ACY3: variants seen among roughly 807,000 people sequenced by gnomAD.
The protein encoded by ACY3 is N-acyl-aromatic-L-amino acid amidohydrolase (carboxylate-forming).
ACY3 carries 20 observed loss-of-function variants against 24.6 expected under a neutral mutation model. The ratio of observed to expected loss-of-function variants is 0.81; its 90% CI spans 0.57 to 1.18. ACY3 has a LOEUF of 1.18. Among genes scored for constraint, ACY3 ranks in the 50% most tolerant of loss-of-function variants. The pLI is 0.00. For missense variants in ACY3, 423 were observed against 426.8 expected (o/e 0.99, Z 0.08); for synonymous variants, 174 against 188.4 (o/e 0.92, Z 0.62).
intron 7 of ACY3, among the ~76,000 whole-genome samples, chr11:67,644,305 C>T (rs1023741467): frequency 2.6e-5 from 4 of 152,186 alleles, no homozygotes; most frequent in African/African-American, 9.7e-5. Flanking sequence ...GCAGGATTGC[C>T]TAATCCTGGA....
chr11:67,648,312 G>C (rs2134113079), intron 1 of ACY3, among the ~76,000 whole-genome samples: 1 of 152,178 alleles, frequency 6.6e-6, no homozygotes. Flanking sequence ...GCGGGCTGCA[G>C]GTGGCGCACA....
chr11:67,645,317 TG>T lies in ACY3; in HGVS notation c.495del (p.Tyr165Ter). The T allele has an allele frequency of 6.2e-7, 1 of 1,613,660 alleles. No individual in the cohort carries two copies. Among genetic ancestry groups the T allele is most frequent in the Non-Finnish European group, 8.5e-7 (1 of 1,179,968 alleles). ...CCATTTTTGGCCACAGAGTCCAGGT[TG>T]TAGCTCTCCTCCCCAGACCGCTGGT... is the stretch of plus-strand genomic sequence containing the variant. ...FLYQRSGEES[Y>X]NLDSVAKNGL... On this transcript the variant is annotated frameshift_variant, in exon 5 of 8. Transcript: ENST00000255082. LOFTEE classifies it high-confidence loss of function.
At position 67,647,045 on chromosome 11, in the gene ACY3, C is replaced by T. The variant is rs540176855; in HGVS notation, c.-2G>A. 4 of 1,522,340 alleles carry T rather than the reference C, an allele frequency of 2.6e-6. No individual in the cohort carries two copies. The highest frequency in any genetic ancestry group is 1.4e-5 in the African/African-American group (1 of 72,614). The allele number at this position is 1,522,340 out of a possible 1,614,324, so 94.3% of individuals were successfully genotyped here. A position where few individuals can be genotyped will look rare whatever the true frequency, so the allele number is the denominator to read the frequency against. ...CCGGGGCACAGGCAGTGAGCACATG[C>T]TGGTGTGGGGTGCAGAACCTGGGGG... On this transcript the variant is annotated 5_prime_UTR_variant, in exon 3 of 8. Transcript: ENST00000255082.
chr11:67,646,904 G>A lies in ACY3; in HGVS notation c.140C>T (p.Ser47Phe). 6.2e-7 allele frequency: 1 copy of A among 1,611,644 alleles called. No individual in the cohort carries two copies. Among genetic ancestry groups the A allele is most frequent in the Non-Finnish European group, 8.5e-7 (1 of 1,179,370 alleles). The stretch of plus-strand genomic sequence containing the variant: ...CGGGTTGGCCAGCACAGGCACAGCG[G>A]AGAAGCTGGCTCTCTGCAGCTCTGC... ...APAELQRASF[S>F]AVPVLANPAA... Residue 47 changes from serine (S) to phenylalanine (F), a missense_variant, in exon 3 of 8, where the codon TCC becomes TTC. Ser to Phe is a radical substitution (Grantham distance 155). Transcript: ENST00000255082.
At chr11:67,645,428 G>A (rs1855496194) in intron 4 of ACY3, 48 bp from the exon 5 acceptor site, 1 of 1,580,162 alleles carries the variant, frequency 6.3e-7, no homozygotes, top group South Asian at 1.1e-5. Flanking sequence ...CTTGGGAAGG[G>A]AAACTGAGGT....
chr11:67,647,387 G>A (rs974522742), intron 2 of ACY3, 129 bp downstream of exon 2: 16 of 238,910 alleles, frequency 6.7e-5, no homozygotes, highest in African/African-American at 2.9e-4. Context: ...GAGGCACAGC[G>A]TGGGGAGTGG....
In ACY3 at chr11:67,642,682, C is replaced by T. The variant is rs1191801014; in HGVS notation, c.*42G>A. The T allele has an allele frequency of 1.9e-6, 3 of 1,600,106 alleles. No homozygotes were observed. The highest frequency in any genetic ancestry group is 2.2e-5 in the East Asian group (1 of 44,812). On this transcript the variant is annotated 3_prime_UTR_variant, in exon 8 of 8. Coordinates refer to ENST00000255082, the MANE Select transcript of ACY3 (RefSeq NM_080658.2). ...CTCAGAGCTGTGCCTCAGGACCCAT[C>T]GTTCAGATGGGAAGACTGAGGTTGG... is the stretch of plus-strand genomic sequence containing the variant.
At chr11:67,650,039 C>T (rs3888976) in intron 1 of ACY3, among the ~76,000 whole-genome samples, 12,794 of 152,252 alleles carry the variant, frequency 0.084, 581 homozygotes, top group Non-Finnish European at 0.1. Flanking sequence ...CTTGGCTCCA[C>T]CCTGTGAAAG....
chr11:67,649,277 G>C (rs1049703280), intron 1 of ACY3, among the ~76,000 whole-genome samples: 3 of 152,164 alleles, frequency 2.0e-5, no homozygotes, highest in African/African-American at 7.2e-5. Context: ...GGATCCTGCT[G>C]ACTCGGTGTG....
intron 1 of ACY3, among the ~76,000 whole-genome samples, chr11:67,648,896 G>T (rs772542474): frequency 2.6e-5 from 4 of 152,132 alleles, no homozygotes; most frequent in Non-Finnish European, 4.4e-5. Context: ...GTGAGGCTGA[G>T]CCCCCAGTGG....
rs1382781996 is a variant in ACY3 at position 67,645,881 on chromosome 11, C to T, written c.243G>A (p.Arg81=). The T allele has an allele frequency of 2.5e-6, 4 of 1,597,856 alleles. No homozygotes were observed. Among genetic ancestry groups the T allele is most frequent in the Middle Eastern group, 3.4e-4 (2 of 5,964 alleles). ...CCTCATATGGGTCGTCCGGGGTGGG[C>T]CTGGAACTGTGGAGACGGGAATGGG... ...RTFTSSFLNS[R]PTPDDPYEVT... Residue 81 remains arginine, a synonymous_variant, in exon 4 of 8, where the codon AGG becomes AGA. Transcript: ENST00000255082.
chr11:67,645,930 G>A, intron 3 of ACY3, 43 bp from the exon 4 acceptor site: 1 of 1,542,192 alleles, frequency 6.5e-7, no homozygotes, highest in Admixed American at 2.0e-5. Context: ...CACAGTCTCA[G>A]TCAGTCTTCA....
intron 3 of ACY3, among the ~76,000 whole-genome samples, chr11:67,646,520 C>T (rs1383892731): frequency 6.6e-6 from 1 of 152,226 alleles, no homozygotes; most frequent in African/African-American, 2.4e-5. Flanking sequence ...GATCAGGGCA[C>T]ACGACAAGTA....
rs148918245 is a variant in ACY3, at chr11:67,646,809, T to C, written c.235A>G (p.Asn79Asp). 6.2e-7 allele frequency: 1 copy of C among 1,612,476 alleles called. No homozygotes were observed. Among genetic ancestry groups the C allele is most frequent in the African/African-American group, 1.3e-5 (1 of 74,928 alleles). ...LNRTFTSSFL[N>D]SRPTPDDPYE... ...CAACCTGGCGGCAAAAGCACTCACT[T>C]GAGGAAGCTGCTGGTGAAGGTGCGG... is the stretch of plus-strand genomic sequence containing the variant. Residue 79 changes from asparagine (N) to aspartate (D), a missense_variant and splice_region_variant, in exon 3 of 8, where the codon AAT becomes GAT. Coordinates refer to ENST00000255082, the MANE Select transcript of ACY3 (RefSeq NM_080658.2).
At chr11:67,649,749 G>GCA (rs3029257) in intron 1 of ACY3, among the ~76,000 whole-genome samples, 9 of 151,412 alleles carry the variant, frequency 5.9e-5, no homozygotes, top group African/African-American at 2.2e-4. Flanking sequence ...GCGTGTGTGC[G>GCA]CATGTGTGAC....
chr11:67,645,736 A>T lies in ACY3; in HGVS notation c.388T>A (p.Ser130Thr), dbSNP rs1231442532. The change falls in exon 4 of 8, where the codon TCC (serine) becomes ACC (threonine). Residue 130 changes from serine (S) to threonine (T), a missense_variant. Physicochemically the swap from Ser to Thr is moderately conservative, Grantham distance 58. Transcript: ENST00000255082. ...TGCATGGCAAAGACTTCGTGGGAGG[A>T]CTTCGCGATTAAGCAGGTGCCCATG... ...ANMGTCLIAK[S>T]SHEVFAMHLC... The T allele has an allele frequency of 2.5e-6, 4 of 1,612,878 alleles. No individual in the cohort carries two copies. The highest frequency in any genetic ancestry group is 3.4e-6 in the Non-Finnish European group (4 of 1,179,796).
intron 7 of ACY3, among the ~76,000 whole-genome samples, chr11:67,643,950 G>T (rs1272723342): frequency 1.3e-5 from 2 of 150,438 alleles, no homozygotes; most frequent in African/African-American, 2.5e-5. Context: ...AGTTGAGATC[G>T]CACCACTGCA....
chr11:67,644,623 C>T lies in ACY3; in HGVS notation c.744+137G>A, dbSNP rs1030564636. On this transcript the variant is annotated intron_variant, in intron 7 of 7. Coordinates refer to ENST00000255082, the MANE Select transcript of ACY3 (RefSeq NM_080658.2). ...GAGCCCAGCCTCCCATCCTGCTCCT[C>T]AACCCGAGATGCTGGTGAGCTCGTG... 3 of 807,344 alleles carry T rather than the reference C, an allele frequency of 3.7e-6. No homozygotes were observed. In the African/African-American group the frequency reaches 5.1e-5, roughly 14 times the overall value. The allele number at this position is 807,344 out of a possible 1,614,324, so 50.0% of individuals were successfully genotyped here.
intron 4 of ACY3, 100 bp downstream of exon 4, chr11:67,645,592 G>T: frequency 7.0e-7 from 1 of 1,423,736 alleles, no homozygotes; most frequent in Non-Finnish European, 9.4e-7. Flanking sequence ...ACTAGGCCCG[G>T]GGAAGAGGGG....
Sources: allele counts gnomAD v4.1 joint callset (sites outside exome capture counted in the v4.1 genomes callset), GRCh38; gene constraint gnomAD v4.1.1; transcripts MANE v1.5; gene names NCBI Gene and HGNC (gene_info 2026-07-23, HGNC 2026-07-21).